NRXN1: variants seen among roughly 807,000 people sequenced by gnomAD.
The protein encoded by NRXN1 is neurexin 1.
NRXN1 carries 39 observed loss-of-function variants against 150.9 expected under a neutral mutation model. That is an observed-to-expected ratio of 0.26 (90% CI 0.20 to 0.34). The LOEUF (loss-of-function observed/expected upper bound fraction) is 0.34. NRXN1 is among the 10% of genes least tolerant of loss of function. The pLI, the probability that NRXN1 is intolerant of heterozygous loss-of-function variation, is 1.00. For synonymous variants in NRXN1, 924 were observed against 757.0 expected (o/e 1.22, Z -3.62); for missense variants, 1,815 against 1,949.9 (o/e 0.93, Z 1.30).
intron 21 of NRXN1, among the ~76,000 whole-genome samples, chr2:50,053,030 C>T (rs888400562): frequency 3.3e-5 from 5 of 152,106 alleles, no homozygotes; most frequent in African/African-American, 7.2e-5. Flanking sequence ...GGAATCAAGA[C>T]TATCATTTAG....
intron 8 of NRXN1, among the ~76,000 whole-genome samples, chr2:50,590,897 C>G (rs1457918736): frequency 1.3e-5 from 2 of 152,138 alleles, no homozygotes; most frequent in Non-Finnish European, 2.9e-5. Flanking sequence ...TCAACATACT[C>G]TAAATACTCT....
chr2:51,008,935 A>G (rs1453747593), intron 2 of NRXN1, among the ~76,000 whole-genome samples: 1 of 151,874 alleles, frequency 6.6e-6, no homozygotes, highest in East Asian at 1.9e-4. Context: ...TGAGACATAC[A>G]GTAAATGAAA....
chr2:50,404,780 G>T (rs560485417), intron 17 of NRXN1, among the ~76,000 whole-genome samples: 42 of 152,196 alleles, frequency 2.8e-4, no homozygotes, highest in Admixed American at 2.1e-3. Flanking sequence ...CCTGGAGGGG[G>T]ATCTTTGCAG....
In NRXN1 at chr2:50,497,326, T is replaced by A; in HGVS notation, c.2879+7A>T. The A allele has an allele frequency of 1.3e-6, 2 of 1,520,676 alleles. No individual in the cohort carries two copies. Among genetic ancestry groups the A allele is most frequent in the East Asian group, 2.3e-5 (1 of 44,218 alleles). The allele number at this position is 1,520,676 out of a possible 1,614,324, so 94.2% of individuals were successfully genotyped here. A position where few individuals can be genotyped will look rare whatever the true frequency, so the allele number is the denominator to read the frequency against. ...ATTTATTTGCTATTGAACAGGCATG[T>A]ACTCACCCTTTAACTAATTCAACCA... On this transcript the variant is annotated splice_region_variant and intron_variant, in intron 14 of 22. Transcript: ENST00000401669.
At chr2:50,845,804 T>C (rs1673558318) in intron 5 of NRXN1, among the ~76,000 whole-genome samples, 1 of 152,192 alleles carries the variant, frequency 6.6e-6, no homozygotes, top group Admixed American at 6.5e-5. Context: ...TATAAATATC[T>C]ACGCTGACAC....
intron 2 of NRXN1, among the ~76,000 whole-genome samples, chr2:50,994,822 G>T (rs1310775120): frequency 6.6e-6 from 1 of 151,810 alleles, no homozygotes; most frequent in Non-Finnish European, 1.5e-5. Context: ...TTCCTGAAAG[G>T]TACAGCAAGC....
chr2:50,840,424 T>G (rs779282467), intron 5 of NRXN1, among the ~76,000 whole-genome samples: 3 of 152,156 alleles, frequency 2.0e-5, no homozygotes, highest in Non-Finnish European at 2.9e-5. Context: ...GTATCCCCCT[T>G]GTCTTTCATT....
chr2:50,734,205 A>C (rs758749168), intron 5 of NRXN1, among the ~76,000 whole-genome samples: 20 of 152,156 alleles, frequency 1.3e-4, no homozygotes, highest in Non-Finnish European at 2.8e-4. Flanking sequence ...CATGTCTACC[A>C]TGCCAATCTT....
At chr2:49,986,216 A>C (rs1680882680) in intron 21 of NRXN1, among the ~76,000 whole-genome samples, 2 of 152,320 alleles carry the variant, frequency 1.3e-5, no homozygotes, top group South Asian at 4.1e-4. Context: ...AGCGATTCTC[A>C]ATTTTGGTCT....
intron 2 of NRXN1, among the ~76,000 whole-genome samples, chr2:50,955,868 G>GC (rs1299817875): frequency 1.3e-5 from 2 of 152,266 alleles, no homozygotes; most frequent in East Asian, 3.9e-4. Flanking sequence ...AAATTATACA[G>GC]CCTCTCCAAC....
chr2:49,925,343 T>C (rs1043765771), intron 22 of NRXN1, among the ~76,000 whole-genome samples: 1 of 151,268 alleles, frequency 6.6e-6, no homozygotes, highest in Non-Finnish European at 1.5e-5. Context: ...CTCTCCCAGA[T>C]ATGCAATAAC....
chr2:50,459,309 TA>T (rs2087917015), intron 17 of NRXN1, among the ~76,000 whole-genome samples: 1 of 152,178 alleles, frequency 6.6e-6, no homozygotes, highest in Non-Finnish European at 1.5e-5. Context: ...TGATACTAAG[TA>T]TTTTTTTACT....
At chr2:50,741,174 G>T (rs997747184) in intron 5 of NRXN1, among the ~76,000 whole-genome samples, 7 of 152,042 alleles carry the variant, frequency 4.6e-5, no homozygotes, top group Admixed American at 6.5e-5. Flanking sequence ...CCAAAATAGG[G>T]TTACCATTTA....
chr2:50,508,052 A>T (rs1431574037), intron 12 of NRXN1, among the ~76,000 whole-genome samples: 1 of 152,074 alleles, frequency 6.6e-6, no homozygotes, highest in East Asian at 1.9e-4. Flanking sequence ...AGTAAAATAA[A>T]CCTCAGTTTT....
At chr2:50,937,457 C>T (rs539087367) in intron 2 of NRXN1, among the ~76,000 whole-genome samples, 22 of 152,228 alleles carry the variant, frequency 1.4e-4, no homozygotes, top group Middle Eastern at 3.4e-3. Context: ...GATTTACTTG[C>T]CGCAGTGAGC....
intron 5 of NRXN1, among the ~76,000 whole-genome samples, chr2:50,678,190 T>C (rs1463889907): frequency 6.6e-6 from 1 of 152,138 alleles, no homozygotes; most frequent in African/African-American, 2.4e-5. Flanking sequence ...CTGCATCTGG[T>C]GTTTTGTTTG....
At chr2:50,769,811 G>A (rs1411757340) in intron 5 of NRXN1, among the ~76,000 whole-genome samples, 1 of 152,044 alleles carries the variant, frequency 6.6e-6, no homozygotes, top group Non-Finnish European at 1.5e-5. Context: ...AAATTAACAT[G>A]ACCATCTAGT....
At chr2:50,621,121 T>C in intron 7 of NRXN1, 105 bp downstream of exon 7, 1 of 1,011,104 alleles carries the variant, frequency 9.9e-7, no homozygotes, top group Non-Finnish European at 1.4e-6. Flanking sequence ...GCAGTTCCTC[T>C]TTTGTTAATG....
chr2:50,336,522 G>T (rs1033420435), intron 17 of NRXN1, among the ~76,000 whole-genome samples: 26 of 152,120 alleles, frequency 1.7e-4, no homozygotes, highest in African/African-American at 6.0e-4. Flanking sequence ...AGAATTATAC[G>T]ATTTTATTTA....
Sources: allele counts gnomAD v4.1 joint callset (sites outside exome capture counted in the v4.1 genomes callset), GRCh38; gene constraint gnomAD v4.1.1; transcripts MANE v1.5; gene names NCBI Gene and HGNC (gene_info 2026-07-23, HGNC 2026-07-21).